Variants in PRORP observed in about 807,000 individuals in gnomAD.
The protein encoded by PRORP is protein only RNase P catalytic subunit, also known as mitochondrial ribonuclease P catalytic subunit.
In PRORP, 51 loss-of-function variants were observed where a neutral mutation model predicts 59.4. That is an observed-to-expected ratio of 0.86 (90% CI 0.69 to 1.08). PRORP has a LOEUF of 1.08. Ranked by LOEUF, PRORP falls within the 50% of genes least tolerant of loss-of-function variation. The pLI is 0.00. For missense variants in PRORP, 646 were observed against 690.3 expected (o/e 0.94, Z 0.72); for synonymous variants, 231 against 245.6 (o/e 0.94, Z 0.55).
At chr14:35,158,856 T>C (rs2047986803) in intron 4 of PRORP, 1 of 309,448 alleles carries the variant, frequency 3.2e-6, no homozygotes, top group Non-Finnish European at 6.3e-6. Context: ...TTGGATATTC[T>C]GGAGAATGCA....
At chr14:35,256,524 G>A (rs1315556825) in intron 5 of PRORP, among the ~76,000 whole-genome samples, 1 of 151,420 alleles carries the variant, frequency 6.6e-6, no homozygotes, top group Admixed American at 6.6e-5. Context: ...TAGAGATGGG[G>A]CTTCACCATG....
chr14:35,178,566 T>C (rs977270206), intron 4 of PRORP, among the ~76,000 whole-genome samples: 11 of 152,148 alleles, frequency 7.2e-5, no homozygotes, highest in Admixed American at 2.6e-4. Context: ...GATTGCAACC[T>C]CTGCCTTTTT....
rs993519704 is a variant in PRORP, at chr14:35,276,546, C to T, written c.*2980C>T. On this transcript the variant is annotated 3_prime_UTR_variant, in exon 8 of 8. Coordinates refer to ENST00000534898, the MANE Select transcript of PRORP (RefSeq NM_014672.4). ...TTGCTCAGCATAAGTCATACTGCCA[C>T]GGTGACCTTGAGGAGTGCAGGGATT... is the stretch of plus-strand genomic sequence containing the variant. 9.2e-5 allele frequency: 14 copies of T among 151,836 alleles called. No homozygotes were observed. Among genetic ancestry groups the T allele is most frequent in the South Asian group, 2.1e-4 (1 of 4,816 alleles). The allele number at this position is 151,836 out of a possible 1,614,324, so 9.4% of individuals were successfully genotyped here. A position where few individuals can be genotyped will look rare whatever the true frequency, so the allele number is the denominator to read the frequency against.
At chr14:35,132,679 C>T (rs899180115) in intron 4 of PRORP, among the ~76,000 whole-genome samples, 5 of 149,824 alleles carry the variant, frequency 3.3e-5, no homozygotes, top group African/African-American at 7.4e-5. Context: ...CCTACCTACT[C>T]GGGAGGCTGA....
chr14:35,197,069 AGT>A (rs1269960496), intron 5 of PRORP, among the ~76,000 whole-genome samples: 1 of 152,230 alleles, frequency 6.6e-6, no homozygotes, highest in East Asian at 1.9e-4. Flanking sequence ...CAAGTGATCC[AGT>A]GTCTTTGAAC....
At chr14:35,178,149 T>A (rs1238605050) in intron 4 of PRORP, among the ~76,000 whole-genome samples, 1 of 152,114 alleles carries the variant, frequency 6.6e-6, no homozygotes, top group South Asian at 2.1e-4. Flanking sequence ...TGCTGAGGAG[T>A]GCTTTACTTC....
chr14:35,222,907 T>G (rs2049826628), intron 5 of PRORP, among the ~76,000 whole-genome samples: 2 of 152,200 alleles, frequency 1.3e-5, no homozygotes, highest in Admixed American at 1.3e-4. Context: ...GTCAGTTATA[T>G]TATAATTTTG....
intron 5 of PRORP, among the ~76,000 whole-genome samples, chr14:35,211,428 A>G (rs1426148921): frequency 6.6e-6 from 1 of 152,166 alleles, no homozygotes; most frequent in Non-Finnish European, 1.5e-5. Context: ...CTCAGTAAAT[A>G]TTTGCAGAAG....
At chr14:35,199,649 T>A (rs1264194736) in intron 5 of PRORP, among the ~76,000 whole-genome samples, 8 of 152,196 alleles carry the variant, frequency 5.3e-5, no homozygotes, top group Non-Finnish European at 1.2e-4. Flanking sequence ...GGCATCTTGA[T>A]CTTAGAATTC....
At chr14:35,252,718 C>T (rs1039891458) in intron 5 of PRORP, among the ~76,000 whole-genome samples, 1 of 152,210 alleles carries the variant, frequency 6.6e-6, no homozygotes, top group Non-Finnish European at 1.5e-5. Flanking sequence ...CACCATCCCT[C>T]TGCCAATGAC....
chr14:35,212,406 G>A (rs1340373966), intron 5 of PRORP, among the ~76,000 whole-genome samples: 1 of 152,152 alleles, frequency 6.6e-6, no homozygotes, highest in Non-Finnish European at 1.5e-5. Flanking sequence ...GGCAGCTATA[G>A]CCTTATGAAA....
intron 5 of PRORP, among the ~76,000 whole-genome samples, chr14:35,214,266 G>T (rs2049528482): frequency 6.6e-6 from 1 of 152,128 alleles, no homozygotes; most frequent in African/African-American, 2.4e-5. Flanking sequence ...AAGAAGAGTT[G>T]TATTTTTTAT....
At chr14:35,273,311 ATT>A (rs1349108744) in intron 7 of PRORP, 122 bp from the exon 8 acceptor site, 3 of 894,358 alleles carry the variant, frequency 3.4e-6, no homozygotes, top group Non-Finnish European at 4.8e-6. Context: ...AAAATCCATT[ATT>A]AAGTGAGATA....
At chr14:35,189,231 A>C (rs2048821993) in intron 5 of PRORP, among the ~76,000 whole-genome samples, 1 of 151,936 alleles carries the variant, frequency 6.6e-6, no homozygotes, top group Non-Finnish European at 1.5e-5. Context: ...ATTTTGCTTA[A>C]AGTATTTTTG....
At chr14:35,177,460 G>A (rs1255268032) in intron 4 of PRORP, among the ~76,000 whole-genome samples, 1 of 152,058 alleles carries the variant, frequency 6.6e-6, no homozygotes, top group South Asian at 2.1e-4. Flanking sequence ...CTTCTTCCTG[G>A]TTTAGTCTTG....
intron 5 of PRORP, among the ~76,000 whole-genome samples, chr14:35,198,191 G>C (rs1443744463): frequency 6.6e-6 from 1 of 152,188 alleles, no homozygotes; most frequent in Non-Finnish European, 1.5e-5. Context: ...TTCATTTATA[G>C]GCTTCACATA....
intron 5 of PRORP, chr14:35,235,180 C>T (rs531957229): frequency 8.5e-5 from 56 of 658,756 alleles, no homozygotes; most frequent in Non-Finnish European, 1.5e-4. Context: ...ACATTTAACT[C>T]AGTTTAGTGG....
At chr14:35,145,130 C>A (rs1595183135) in intron 4 of PRORP, among the ~76,000 whole-genome samples, 1 of 144,442 alleles carries the variant, frequency 6.9e-6, no homozygotes, top group East Asian at 2.4e-4. Flanking sequence ...ACCACCACGA[C>A]CAGCTAATTT....
intron 5 of PRORP, among the ~76,000 whole-genome samples, chr14:35,237,999 A>G (rs1365949717): frequency 6.6e-6 from 1 of 152,044 alleles, no homozygotes; most frequent in African/African-American, 2.4e-5. Flanking sequence ...AAGTCAAACA[A>G]ACAAAACTCT....
Sources: allele counts gnomAD v4.1 joint callset (sites outside exome capture counted in the v4.1 genomes callset), GRCh38; gene constraint gnomAD v4.1.1; transcripts MANE v1.5; gene names NCBI Gene and HGNC (gene_info 2026-07-23, HGNC 2026-07-21).